The following COL4A6 variants were observed in gnomAD, a reference collection of about 807,000 sequenced individuals.
COL4A6 encodes the protein collagen type IV alpha 6 chain.
COL4A6 carries 59 observed loss-of-function variants against 126.7 expected under a neutral mutation model. The ratio of observed to expected loss-of-function variants is 0.47; its 90% confidence interval spans 0.38 to 0.58. The LOEUF is 0.58. Ranked by LOEUF, COL4A6 falls within the 20% of genes least tolerant of loss-of-function variation. The probability of loss-of-function intolerance (pLI) is 0.00; values close to 1 mark genes in which losing one functional copy is unlikely to be tolerated. For missense variants in COL4A6, 1,285 were observed against 1,337.3 expected (o/e 0.96, Z 0.61); for synonymous variants, 547 against 496.6 (o/e 1.10, Z -1.35).
At chrX:108,374,624 G>A (rs1279999117) in intron 2 of COL4A6, among the ~76,000 whole-genome samples, 2 of 112,043 alleles carry the variant, frequency 1.8e-5, no homozygotes, top group Admixed American at 9.5e-5. Context: ...TGTTCATTTC[G>A]TAAATAATCT....
chrX:108,254,041 G>A (rs1020342785), intron 3 of COL4A6, among the ~76,000 whole-genome samples: 1 of 111,402 alleles, frequency 9.0e-6, no homozygotes, highest in Non-Finnish European at 1.9e-5. Context: ...TGCCTCACAA[G>A]GTACAGTCAA....
At chrX:108,337,848 G>C (rs1024812452) in intron 2 of COL4A6, among the ~76,000 whole-genome samples, 2 of 111,743 alleles carry the variant, frequency 1.8e-5, no homozygotes, top group African/African-American at 6.5e-5. Context: ...TAGGACTTAG[G>C]GAACATTTAG....
chrX:108,160,088 G>T (rs932522289), intron 43 of COL4A6, among the ~76,000 whole-genome samples: 1 of 112,155 alleles, frequency 8.9e-6, no homozygotes. Flanking sequence ...TGCCCTGCAG[G>T]TCATATTATT....
At chrX:108,419,792 A>G (rs780174125) in intron 2 of COL4A6, among the ~76,000 whole-genome samples, 9 of 112,085 alleles carry the variant, frequency 8.0e-5, no homozygotes, top group Non-Finnish European at 1.5e-4. Context: ...AGATAATTTT[A>G]TTGAAACAAA....
chrX:108,380,456 G>C (rs769654156), intron 2 of COL4A6, among the ~76,000 whole-genome samples: 5 of 112,460 alleles, frequency 4.4e-5, no homozygotes, highest in Admixed American at 1.9e-4. Flanking sequence ...CTTTAAAATA[G>C]ACAGGAAACT....
intron 3 of COL4A6, among the ~76,000 whole-genome samples, chrX:108,252,770 A>G (rs1288802123): frequency 8.9e-6 from 1 of 111,737 alleles, no homozygotes; most frequent in Non-Finnish European, 1.9e-5. Context: ...ATACTAGCAA[A>G]CAACATCCAA....
At chrX:108,285,975 T>A (rs1483437145) in intron 3 of COL4A6, among the ~76,000 whole-genome samples, 2 of 111,885 alleles carry the variant, frequency 1.8e-5, no homozygotes, top group African/African-American at 3.2e-5. Context: ...TTCTAAAGAA[T>A]GCAGTGTGGA....
At chrX:108,325,832 T>C (rs1220616372) in intron 2 of COL4A6, among the ~76,000 whole-genome samples, 3 of 110,633 alleles carry the variant, frequency 2.7e-5, no homozygotes, top group Non-Finnish European at 5.7e-5. Context: ...ACTATGATTA[T>C]CTCAATAGAT....
Position 108,157,210 on chromosome X carries a change from G to A in COL4A6, c.4863C>T (p.Gly1621=). Residue 1621 remains glycine (G), a synonymous_variant, in exon 45 of 45, where the codon GGC becomes GGT. Transcript: ENST00000334504. The part of the protein sequence containing the change: ...EGGGQSLVSP[G]SCLEDFRATP... ...TGGCCCGAAAGTCCTCTAGGCAGGAGCCAGGTGAGACCAGGGACTGGCCTC... is the reference window on the plus strand; with the variant it reads ...TGGCCCGAAAGTCCTCTAGGCAGGAACCAGGTGAGACCAGGGACTGGCCTC... 2 of 1,212,079 alleles carry A rather than the reference G, an allele frequency of 1.7e-6. No individual in the cohort carries two copies. Among genetic ancestry groups the A allele is most frequent in the Non-Finnish European group, 2.2e-6 (2 of 895,526 alleles).
intron 2 of COL4A6, among the ~76,000 whole-genome samples, chrX:108,397,798 T>C (rs745570766): frequency 8.9e-6 from 1 of 111,869 alleles, no homozygotes; most frequent in Admixed American, 9.5e-5. Context: ...TTGTCCACCC[T>C]CAGTGCAAAC....
At chrX:108,438,059 C>A (rs895066126) in intron 1 of COL4A6, 66 bp from the exon 2 acceptor site, 2 of 1,191,939 alleles carry the variant, frequency 1.7e-6, no homozygotes, top group African/African-American at 3.5e-5. Flanking sequence ...TGCCTGTCGC[C>A]CCCCGAACCC....
chrX:108,438,104 C>T, intron 1 of COL4A6, 82 bp downstream of exon 1: 1 of 1,202,156 alleles, frequency 8.3e-7, no homozygotes, highest in Non-Finnish European at 1.1e-6. Flanking sequence ...TCTGCAGTGA[C>T]AGAAGTACCA....
intron 37 of COL4A6, 55 bp downstream of exon 37, chrX:108,169,440 C>T (rs1373404528): frequency 1.7e-6 from 2 of 1,199,786 alleles, no homozygotes; most frequent in Non-Finnish European, 2.3e-6. Flanking sequence ...TACCCTAAAC[C>T]TGACTCTCCC....
chrX:108,332,691 A>G (rs2039330834), intron 2 of COL4A6, among the ~76,000 whole-genome samples: 1 of 110,852 alleles, frequency 9.0e-6, no homozygotes, highest in Non-Finnish European at 1.9e-5. Context: ...CATTTTTAAT[A>G]GAGTTATTTG....
intron 3 of COL4A6, among the ~76,000 whole-genome samples, chrX:108,263,372 G>A (rs2037216103): frequency 8.9e-6 from 1 of 111,796 alleles, no homozygotes; most frequent in South Asian, 3.7e-4. Context: ...TGTACAGTTA[G>A]GGTTGAAAAC....
At chrX:108,335,291 A>G (rs1271421486) in intron 2 of COL4A6, among the ~76,000 whole-genome samples, 1 of 111,863 alleles carries the variant, frequency 8.9e-6, no homozygotes, top group Non-Finnish European at 1.9e-5. Flanking sequence ...TATCCCATCT[A>G]TTATTCACAA....
At position 108,282,296 on chromosome X, in the gene COL4A6, A is replaced by T. The variant is rs757562097; in HGVS notation, c.144+28452T>A. Among the ~76,000 whole-genome samples, 437 of 102,120 alleles carry T rather than the reference A, an allele frequency of 4.3e-3. 7 individuals carry two copies. The highest frequency in any genetic ancestry group is 0.014 in the African/African-American group (409 of 28,385). 88.7% of individuals were successfully genotyped at this position (102,120 alleles called of 115,157 possible). On this transcript the variant is annotated intron_variant, in intron 3 of 44. Coordinates refer to ENST00000334504, the MANE Select transcript of COL4A6 (RefSeq NM_033641.4). ...ATCTACAATGAACTCAAACAAATTTACAAGAAAAAAACAAACAACCCCATC... is the reference window on the plus strand; with the variant it reads ...ATCTACAATGAACTCAAACAAATTTTCAAGAAAAAAACAAACAACCCCATC...
At position 108,197,138 on chromosome X, in the gene COL4A6, G is replaced by A. The variant is rs748997984; in HGVS notation, c.835-559C>T. Among the ~76,000 whole-genome samples, 9 of 111,792 alleles carry A rather than the reference G, an allele frequency of 8.1e-5. No homozygotes were observed. The East Asian group carries it at 2.3e-3, about 28-fold the overall frequency. On this transcript the variant is annotated intron_variant, in intron 13 of 44. Transcript: ENST00000334504. ...GTAAGAAGTATTTCTATCTAGGCAC[G>A]GACTGAAACCCTGCAGCTCCTGTAC...
intron 41 of COL4A6, 72 bp downstream of exon 41, chrX:108,162,820 C>T (rs1056381847): frequency 1.9e-6 from 2 of 1,038,024 alleles, no homozygotes; most frequent in South Asian, 2.6e-5. Context: ...TGGAGGTGGA[C>T]ATCCAAGCCA....
Sources: allele counts gnomAD v4.1 joint callset (sites outside exome capture counted in the v4.1 genomes callset), GRCh38; gene constraint gnomAD v4.1.1; transcripts MANE v1.5; gene names NCBI Gene and HGNC (gene_info 2026-07-23, HGNC 2026-07-21).